The following GRIN3A variants were observed in gnomAD, a reference collection of about 807,000 sequenced individuals.
The protein encoded by GRIN3A is glutamate receptor ionotropic, NMDA 3A.
GRIN3A carries 47 observed loss-of-function variants against 92.4 expected under a neutral mutation model. The observed-to-expected ratio is 0.51, with a 90% CI of 0.40 to 0.65. The LOEUF (loss-of-function observed/expected upper bound fraction) is 0.65. Ranked by LOEUF, GRIN3A falls within the 30% of genes least tolerant of loss-of-function variation. GRIN3A has a pLI of 0.00. For synonymous variants in GRIN3A, 527 were observed against 540.6 expected, an observed-to-expected ratio of 0.97 and a Z score of 0.35; for missense variants, 1,324 against 1,393.1, an observed-to-expected ratio of 0.95 and a Z score of 0.79.
chr9:101,737,659 C>T lies in GRIN3A; in HGVS notation c.321G>A (p.Pro107=). The change falls in exon 1 of 9, where the codon CCG becomes CCA. Residue 107 remains proline, a synonymous_variant. Transcript: ENST00000361820. ...WLGSTLHGRG[P]PGSRKPGEGA... ...CCTCCCCGGGCTTACGGGAGCCCGG[C>T]GGCCCCCGGCCATGCAGGGTGCTCC... The T allele has an allele frequency of 6.3e-7, 1 of 1,599,048 alleles. No homozygotes were observed. Among genetic ancestry groups the T allele is most frequent in the Admixed American group, 1.7e-5 (1 of 58,794 alleles).
intron 6 of GRIN3A, among the ~76,000 whole-genome samples, chr9:101,601,410 G>A (rs143531683): frequency 1.2e-4 from 19 of 152,336 alleles, no homozygotes; most frequent in African/African-American, 4.1e-4. Context: ...ATCTGGGAGA[G>A]CAGCTAGGAA....
intron 2 of GRIN3A, among the ~76,000 whole-genome samples, chr9:101,684,329 G>A (rs1395456394): frequency 7.5e-6 from 1 of 134,098 alleles, no homozygotes; most frequent in Non-Finnish European, 1.5e-5. Context: ...GGCCAGGATG[G>A]TCTGATCTCT....
intron 1 of GRIN3A, among the ~76,000 whole-genome samples, chr9:101,704,060 C>T (rs747181919): frequency 3.9e-5 from 6 of 152,148 alleles, no homozygotes; most frequent in African/African-American, 4.8e-5. Flanking sequence ...TGGCAAACAA[C>T]GGTATTTACT....
chr9:101,715,474 A>G (rs1355157746), intron 1 of GRIN3A, among the ~76,000 whole-genome samples: 1 of 152,190 alleles, frequency 6.6e-6, no homozygotes, highest in Admixed American at 6.5e-5. Context: ...ATGTTTAAAG[A>G]AAAAGTTTTA....
chr9:101,647,510 T>C (rs1828953316), intron 3 of GRIN3A, among the ~76,000 whole-genome samples: 1 of 151,920 alleles, frequency 6.6e-6, no homozygotes, highest in African/African-American at 2.4e-5. Flanking sequence ...GTTGATCTTG[T>C]AGAATGAGTT....
chr9:101,572,871 T>G lies in GRIN3A; in HGVS notation c.*303A>C. 1 of 386,180 alleles carries G rather than the reference T, an allele frequency of 2.6e-6. No individual in the cohort carries two copies. Among genetic ancestry groups the G allele is most frequent in the Admixed American group, 3.8e-5 (1 of 26,598 alleles). 23.9% of individuals were successfully genotyped at this position (386,180 alleles called of 1,614,324 possible). ...AAGGGCTAAAAACCAGAAATATTAC[T>G]GTGGCACCTGGTGAAAAGGTTAACG... On this transcript the variant is annotated 3_prime_UTR_variant, in exon 9 of 9. Coordinates refer to ENST00000361820, the MANE Select transcript of GRIN3A (RefSeq NM_133445.3).
intron 6 of GRIN3A, among the ~76,000 whole-genome samples, chr9:101,605,400 T>G (rs961213505): frequency 2.0e-5 from 3 of 151,996 alleles, no homozygotes; most frequent in African/African-American, 7.3e-5. Context: ...TTAAGCAATT[T>G]GTGTTCATGA....
chr9:101,594,359 A>C (rs994661527), intron 6 of GRIN3A: 1 of 1,536,836 alleles, frequency 6.5e-7, no homozygotes, highest in Non-Finnish European at 8.7e-7. Context: ...ATCTTGAAAG[A>C]GATAGGGAAG....
At chr9:101,612,022 G>A (rs1436556616) in intron 6 of GRIN3A, among the ~76,000 whole-genome samples, 1 of 152,202 alleles carries the variant, frequency 6.6e-6, no homozygotes, top group East Asian at 1.9e-4. Context: ...GGTCCCACAG[G>A]GCATTGTGGG....
At chr9:101,668,758 T>A (rs1277533935) in intron 3 of GRIN3A, among the ~76,000 whole-genome samples, 2 of 152,144 alleles carry the variant, frequency 1.3e-5, no homozygotes, top group African/African-American at 4.8e-5. Flanking sequence ...AATATATGGG[T>A]CAAATTTCTT....
intron 2 of GRIN3A, among the ~76,000 whole-genome samples, chr9:101,683,846 G>C (rs367977760): frequency 6.9e-5 from 2 of 28,918 alleles, no homozygotes; most frequent in Admixed American, 7.2e-4. Context: ...GAGAGAGACA[G>C]TGAGAGAGAG....
At chr9:101,632,332 A>G (rs1828725995) in intron 3 of GRIN3A, among the ~76,000 whole-genome samples, 1 of 152,168 alleles carries the variant, frequency 6.6e-6, no homozygotes, top group Non-Finnish European at 1.5e-5. Flanking sequence ...CTTCCCTGCT[A>G]GATTGTAAGT....
At chr9:101,577,099 T>G (rs1827835729) in intron 8 of GRIN3A, among the ~76,000 whole-genome samples, 1 of 152,196 alleles carries the variant, frequency 6.6e-6, no homozygotes, top group East Asian at 1.9e-4. Context: ...AGCTTCGATT[T>G]TCAGATGTCA....
chr9:101,649,537 C>T (rs1828983750), intron 3 of GRIN3A, among the ~76,000 whole-genome samples: 1 of 151,992 alleles, frequency 6.6e-6, no homozygotes, highest in Non-Finnish European at 1.5e-5. Context: ...CTCACATCAG[C>T]AACCATGGAT....
At chr9:101,705,653 G>A (rs897738627) in intron 1 of GRIN3A, among the ~76,000 whole-genome samples, 5 of 152,034 alleles carry the variant, frequency 3.3e-5, no homozygotes, top group African/African-American at 9.7e-5. Context: ...CAGGGCCACC[G>A]AACAGACAAG....
intron 3 of GRIN3A, among the ~76,000 whole-genome samples, chr9:101,648,198 C>A (rs1828964649): frequency 6.6e-6 from 1 of 151,836 alleles, no homozygotes; most frequent in African/African-American, 2.4e-5. Context: ...TTTTAAATTT[C>A]CTTTTTAATT....
intron 2 of GRIN3A, among the ~76,000 whole-genome samples, chr9:101,676,858 T>G (rs1019046407): frequency 1.6e-4 from 23 of 141,916 alleles, no homozygotes; most frequent in African/African-American, 5.1e-4. Flanking sequence ...AACCTTCCCC[T>G]TTTCCTTTTT....
intron 5 of GRIN3A, among the ~76,000 whole-genome samples, chr9:101,614,609 C>CAT (rs1554717537): frequency 2.4e-5 from 2 of 83,050 alleles, no homozygotes; most frequent in African/African-American, 1.1e-4. Flanking sequence ...ATATGTGATA[C>CAT]TTTTTTTTTT....
chr9:101,595,131 A>C, intron 6 of GRIN3A: 20 of 517,752 alleles, frequency 3.9e-5, no homozygotes, highest in East Asian at 6.9e-5. Context: ...AGGAGGGAAA[A>C]GGGGGCGGAA....
Sources: gnomAD v4.1 joint callset for allele counts (sites outside exome capture counted in the v4.1 genomes callset) on GRCh38, gnomAD v4.1.1 for gene constraint, MANE v1.5 for transcripts, NCBI Gene and HGNC (gene_info 2026-07-23, HGNC 2026-07-21) for gene names.